Variants in CLIP4 observed in about 807,000 individuals in gnomAD.
CLIP4 encodes the protein CAP-Gly domain-containing linker protein 4.
A neutral mutation model predicts 73.1 loss-of-function variants in CLIP4; 47 were observed. The observed-to-expected ratio is 0.64, with a 90% CI of 0.51 to 0.82. CLIP4 has a LOEUF of 0.82. Ranked by LOEUF, CLIP4 falls within the 40% of genes least tolerant of loss-of-function variation. The pLI is 0.00. For missense variants in CLIP4, 874 were observed against 852.9 expected (o/e 1.02, Z -0.31); for synonymous variants, 306 against 295.4 (o/e 1.04, Z -0.37).
intron 8 of CLIP4, among the ~76,000 whole-genome samples, chr2:29,150,050 A>T (rs1666447045): frequency 6.6e-6 from 1 of 152,166 alleles, no homozygotes; most frequent in South Asian, 2.1e-4. Context: ...CTGTGTGATC[A>T]CCATAATAAG....
intron 6 of CLIP4, among the ~76,000 whole-genome samples, chr2:29,142,653 C>G (rs1340403799): frequency 1.3e-5 from 2 of 152,030 alleles, no homozygotes; most frequent in African/African-American, 4.8e-5. Flanking sequence ...AATTTTAAAA[C>G]AAAAAAATGC....
intron 15 of CLIP4, among the ~76,000 whole-genome samples, chr2:29,181,127 A>G (rs935861553): frequency 1.3e-5 from 2 of 152,196 alleles, no homozygotes; most frequent in African/African-American, 4.8e-5. Flanking sequence ...CAGCTGATTA[A>G]TACATATTTT....
chr2:29,101,812 T>A (rs1255917414), intron 1 of CLIP4, among the ~76,000 whole-genome samples: 2 of 152,166 alleles, frequency 1.3e-5, no homozygotes, highest in Non-Finnish European at 2.9e-5. Flanking sequence ...GGTTTTTGGC[T>A]TCACATATAT....
At chr2:29,128,981 G>A (rs946930903) in intron 2 of CLIP4, among the ~76,000 whole-genome samples, 3 of 152,130 alleles carry the variant, frequency 2.0e-5, no homozygotes, top group African/African-American at 7.2e-5. Context: ...AAGTAGATAA[G>A]CTTATGTTCA....
chr2:29,140,942 C>CTTG (rs2147983866), intron 6 of CLIP4, among the ~76,000 whole-genome samples: 1 of 152,178 alleles, frequency 6.6e-6, no homozygotes, highest in Admixed American at 6.6e-5. Flanking sequence ...TTGTTGAGAC[C>CTTG]TCCCTGTCTT....
At chr2:29,143,667 CT>C in intron 6 of CLIP4, 41 bp from the exon 7 acceptor site, 1 of 1,304,840 alleles carries the variant, frequency 7.7e-7, no homozygotes, top group South Asian at 1.2e-5. Flanking sequence ...TTCTAGTGCT[CT>C]AAGTAAGAGT....
chr2:29,099,625 T>G (rs1184240626), intron 1 of CLIP4, among the ~76,000 whole-genome samples: 2 of 152,344 alleles, frequency 1.3e-5, no homozygotes, highest in East Asian at 3.9e-4. Context: ...TCTTTAAGCC[T>G]GTAGTGTCAA....
chr2:29,165,475 C>T lies in CLIP4; in HGVS notation c.1658+1521C>T, dbSNP rs575258476. Among the ~76,000 whole-genome samples, 6 of 152,272 alleles carry T rather than the reference C, an allele frequency of 3.9e-5. No individual in the cohort carries two copies. In the South Asian group the frequency reaches 1.2e-3, roughly 32 times the overall value. ...TGTGCTCCCAGCTGGGGATTTGAAC[C>T]CAGGTAGTCTAGTATCAGCATGTGT... On this transcript the variant is annotated intron_variant, in intron 13 of 15. Coordinates refer to ENST00000320081, the MANE Select transcript of CLIP4 (RefSeq NM_024692.6).
At chr2:29,105,130 G>C (rs1164174601) in intron 1 of CLIP4, among the ~76,000 whole-genome samples, 1 of 152,196 alleles carries the variant, frequency 6.6e-6, no homozygotes, top group East Asian at 1.9e-4. Context: ...GGTGTGATAG[G>C]AAAGGCAGAA....
chr2:29,112,227 C>T (rs1451742578), upstream of CLIP4, among the ~76,000 whole-genome samples: 1 of 152,162 alleles, frequency 6.6e-6, no homozygotes, highest in African/African-American at 2.4e-5. Flanking sequence ...ATTGACTTAA[C>T]TGTTTAAAAT....
intron 1 of CLIP4, among the ~76,000 whole-genome samples, chr2:29,117,323 C>T (rs1242467773): frequency 1.3e-5 from 2 of 151,580 alleles, no homozygotes; most frequent in Non-Finnish European, 2.9e-5. Context: ...TTCCTTTTCT[C>T]TCTCTCTTTT....
chr2:29,117,417 C>T (rs1432178260), intron 1 of CLIP4, among the ~76,000 whole-genome samples: 1 of 151,496 alleles, frequency 6.6e-6, no homozygotes, highest in Non-Finnish European at 1.5e-5. Flanking sequence ...GATCTCTCCT[C>T]ACTGCAATCT....
chr2:29,176,702 C>T (rs575343995), intron 15 of CLIP4, among the ~76,000 whole-genome samples: 47 of 152,276 alleles, frequency 3.1e-4, no homozygotes, highest in African/African-American at 1.1e-3. Context: ...CTTCACTCTG[C>T]GGATGTGTAC....
At chr2:29,166,965 G>T (rs1003218771) in intron 13 of CLIP4, among the ~76,000 whole-genome samples, 1 of 152,142 alleles carries the variant, frequency 6.6e-6, no homozygotes, top group African/African-American at 2.4e-5. Flanking sequence ...ATCAAAAAAT[G>T]CAGGAAAATC....
rs1339226496 is a variant in CLIP4, at chr2:29,149,715, A to C, written c.1022-2970A>C. Among the ~76,000 whole-genome samples, 4 of 120,682 alleles carry C rather than the reference A, an allele frequency of 3.3e-5. No homozygotes were observed. The Admixed American group carries it at 4.0e-4, about 12-fold the overall frequency. The allele number at this position is 120,682 out of a possible 152,430, so 79.2% of individuals were successfully genotyped here. A position where few individuals can be genotyped will look rare whatever the true frequency, so the allele number is the denominator to read the frequency against. On this transcript the variant is annotated intron_variant, in intron 8 of 15. Coordinates refer to ENST00000320081, the MANE Select transcript of CLIP4 (RefSeq NM_024692.6). ...TTACATTTAGTTTTGGTTCTCTGAA[A>C]TGCTTTGGCTAATAAAAAAAAAAAA...
intron 15 of CLIP4, among the ~76,000 whole-genome samples, chr2:29,177,823 C>A (rs1158160752): frequency 6.6e-6 from 1 of 152,128 alleles, no homozygotes; most frequent in Non-Finnish European, 1.5e-5. Flanking sequence ...CCATGCCTGC[C>A]ATTTCATAGG....
Position 29,143,889 on chromosome 2 carries a change from A to C in CLIP4, c.829A>C (p.Met277Leu). The change falls in exon 7 of 16, where the codon ATG becomes CTG. Residue 277 changes from methionine (M) to leucine (L), a missense_variant. By Grantham distance (15) the Met-to-Leu change is conservative. Coordinates refer to ENST00000320081, the MANE Select transcript of CLIP4 (RefSeq NM_024692.6). ...PNYDHVTGKAMLTSLGLKLGD... is the reference protein window; with the variant it reads ...PNYDHVTGKALLTSLGLKLGD... ...TTATGATCATGTCACTGGCAAGGCA[A>C]TGCTTACGTCACTTGGCCTGAAGTT... 2 of 1,614,184 alleles carry C rather than the reference A, an allele frequency of 1.2e-6. No individual in the cohort carries two copies. Among genetic ancestry groups the C allele is most frequent in the Non-Finnish European group, 1.7e-6 (2 of 1,180,024 alleles).
At chr2:29,119,327 G>A (rs1664094186) in intron 1 of CLIP4, among the ~76,000 whole-genome samples, 1 of 152,150 alleles carries the variant, frequency 6.6e-6, no homozygotes, top group Non-Finnish European at 1.5e-5. Context: ...GTACGATAGA[G>A]TTCGTATCTT....
chr2:29,131,531 GA>G, intron 3 of CLIP4, 134 bp downstream of exon 3: 1 of 895,222 alleles, frequency 1.1e-6, no homozygotes, highest in Non-Finnish European at 1.7e-6. Context: ...GTATTTCCAG[GA>G]TTTTCATGGG....
Sources: gnomAD v4.1 joint callset for allele counts (sites outside exome capture counted in the v4.1 genomes callset) on GRCh38, gnomAD v4.1.1 for gene constraint, MANE v1.5 for transcripts, NCBI Gene and HGNC (gene_info 2026-07-23, HGNC 2026-07-21) for gene names.